The following RIPK4 variants were observed in gnomAD, a reference collection of about 807,000 sequenced individuals.
RIPK4 encodes the protein receptor interacting serine/threonine kinase 4.
A neutral mutation model predicts 42.9 loss-of-function variants in RIPK4; 17 were observed. The observed-to-expected ratio is 0.40, with a 90% CI of 0.27 to 0.59. RIPK4 has a LOEUF of 0.59. Among genes scored for constraint, RIPK4 ranks in the 20% least tolerant of loss-of-function variants. The pLI is 0.47. For missense variants in RIPK4, 897 were observed against 1,104.4 expected, an observed-to-expected ratio of 0.81 and a Z score of 2.66; for synonymous variants, 498 against 499.1, an observed-to-expected ratio of 1.00 and a Z score of 0.03.
Position 41,740,516 on chromosome 21 carries a change from C to T in RIPK4, c.*322G>A. ...GGCTCGCCTCAGGAGAGAGTGGATG[C>T]TTCCACGCCTGGGGCTTCATCACTG... On this transcript the variant is annotated 3_prime_UTR_variant, in exon 8 of 8. Coordinates refer to ENST00000332512, the MANE Select transcript of RIPK4 (RefSeq NM_020639.3). 5.9e-6 allele frequency: 2 copies of T among 340,202 alleles called. No individual in the cohort carries two copies. The highest frequency in any genetic ancestry group is 1.1e-5 in the Non-Finnish European group (2 of 186,988). The allele number at this position is 340,202 out of a possible 1,614,324, so 21.1% of individuals were successfully genotyped here. A position where few individuals can be genotyped will look rare whatever the true frequency, so the allele number is the denominator to read the frequency against.
In RIPK4 at chr21:41,751,371, C is replaced by G; in HGVS notation, c.475-126G>C. The G allele has an allele frequency of 7.8e-7, 1 of 1,277,628 alleles. No individual in the cohort carries two copies. The highest frequency in any genetic ancestry group is 1.1e-6 in the Non-Finnish European group (1 of 938,230). The allele number at this position is 1,277,628 out of a possible 1,614,324, so 79.1% of individuals were successfully genotyped here. ...GAGCTTTCCAGGAGCCCCTAAGAGC[C>G]GTGTCTGTGCCTCTCCAGGTAGCCC... On this transcript the variant is annotated intron_variant, in intron 2 of 7. Transcript: ENST00000332512. This position sits in a 1 kb window ranked among gnomAD's most constrained non-coding sequence, Gnocchi z 4.5.
intron 1 of RIPK4, among the ~76,000 whole-genome samples, chr21:41,759,722 A>G (rs547546986): frequency 1.2e-4 from 19 of 152,220 alleles, no homozygotes; most frequent in Non-Finnish European, 2.6e-4. Context: ...AATCCAAAAC[A>G]GTGCCAACAG....
chr21:41,752,931 T>C (rs1388666775), intron 2 of RIPK4, among the ~76,000 whole-genome samples: 1 of 152,194 alleles, frequency 6.6e-6, no homozygotes, highest in Non-Finnish European at 1.5e-5. Flanking sequence ...CAAACCACCA[T>C]GGCACATATA....
intron 4 of RIPK4, among the ~76,000 whole-genome samples, chr21:41,747,325 C>T (rs2061175017): frequency 6.6e-6 from 1 of 152,234 alleles, no homozygotes; most frequent in South Asian, 2.1e-4. Context: ...CCTCAATTCA[C>T]CATGTGGGGC....
Position 41,740,437 on chromosome 21 carries a change from A to T in RIPK4, c.*401T>A, listed in dbSNP as rs1466061903. ...CCACCGTCATGTATGAAGATAAAAA[A>T]CACAGTTTCCCCTGCACCTCCCTCA... On this transcript the variant is annotated 3_prime_UTR_variant, in exon 8 of 8. Transcript: ENST00000332512. 1 of 196,264 alleles carries T rather than the reference A, an allele frequency of 5.1e-6. No homozygotes were observed. Among genetic ancestry groups the T allele is most frequent in the Non-Finnish European group, 1.0e-5 (1 of 97,908 alleles). The allele number at this position is 196,264 out of a possible 1,614,324, so 12.2% of individuals were successfully genotyped here. A position where few individuals can be genotyped will look rare whatever the true frequency, so the allele number is the denominator to read the frequency against.
intron 2 of RIPK4, among the ~76,000 whole-genome samples, chr21:41,754,305 G>A (rs2061196678): frequency 6.6e-6 from 1 of 152,144 alleles, no homozygotes; most frequent in Non-Finnish European, 1.5e-5. Flanking sequence ...CTATTTCACA[G>A]AAAAAATAAG....
At chr21:41,743,739 TA>T in intron 7 of RIPK4, 142 bp downstream of exon 7, 1 of 1,093,038 alleles carries the variant, frequency 9.1e-7, no homozygotes, top group Non-Finnish European at 1.3e-6. Flanking sequence ...CAAAATTAAT[TA>T]CTTAAGACAG....
At position 41,740,867 on chromosome 21, in the gene RIPK4, C is replaced by T. The variant is rs769524150; in HGVS notation, c.2326G>A (p.Ala776Thr). Residue 776 changes from alanine to threonine, a missense_variant, in exon 8 of 8, where the codon GCC becomes ACC. Physicochemically the swap from Ala to Thr is moderately conservative, Grantham distance 58 (BLOSUM62 0). Coordinates refer to ENST00000332512, the MANE Select transcript of RIPK4 (RefSeq NM_020639.3). ...GTCTTGCTTCGCCGCAGGAGCGTGGCGGCGGGGCCATGGCCGCCCTGGAAC... is the reference window on the plus strand; with the variant it reads ...GTCTTGCTTCGCCGCAGGAGCGTGGTGGCGGGGCCATGGCCGCCCTGGAAC... Reference protein sequence around the residue: ...LKFQGGHGPAATLLRRSKT With the variant: ...LKFQGGHGPATTLLRRSKT 1.7e-5 allele frequency: 28 copies of T among 1,609,412 alleles called. No homozygotes were observed. The highest frequency in any genetic ancestry group is 2.2e-5 in the East Asian group (1 of 44,838).
chr21:41,752,057 C>T (rs372617618), intron 2 of RIPK4, among the ~76,000 whole-genome samples: 46 of 152,084 alleles, frequency 3.0e-4, no homozygotes, highest in Admixed American at 6.5e-4. Flanking sequence ...TGACCTCTCT[C>T]GGGGGCATCC....
At chr21:41,752,437 G>A (rs566261909) in intron 2 of RIPK4, among the ~76,000 whole-genome samples, 25 of 152,078 alleles carry the variant, frequency 1.6e-4, no homozygotes, top group African/African-American at 5.8e-4. Context: ...AGGGAGGTAG[G>A]GGGGAAGGCC....
At chr21:41,754,026 T>C (rs1434902906) in intron 2 of RIPK4, among the ~76,000 whole-genome samples, 1 of 152,216 alleles carries the variant, frequency 6.6e-6, no homozygotes, top group Admixed American at 6.5e-5. Flanking sequence ...AAGTAGACAG[T>C]TGCTGTGATA....
intron 6 of RIPK4, among the ~76,000 whole-genome samples, 171 bp downstream of exon 6, chr21:41,745,588 T>G (rs2061168010): frequency 6.6e-6 from 1 of 151,794 alleles, no homozygotes; most frequent in African/African-American, 2.4e-5. Context: ...GTCGGGCAGG[T>G]GGACCTGAGC....
chr21:41,762,358 G>A (rs181035520), intron 1 of RIPK4, among the ~76,000 whole-genome samples: 59 of 152,264 alleles, frequency 3.9e-4, no homozygotes, highest in African/African-American at 1.4e-3. Flanking sequence ...CCTGGATTTC[G>A]CTCAGAAGCA....
intron 6 of RIPK4, 48 bp downstream of exon 6, chr21:41,745,711 G>A (rs2061168501): frequency 6.9e-7 from 1 of 1,439,974 alleles, no homozygotes; most frequent in Non-Finnish European, 9.8e-7. Flanking sequence ...GGAAACTCCT[G>A]CCTGGAAGCC....
At chr21:41,748,501 A>G (rs2061178635) in intron 4 of RIPK4, among the ~76,000 whole-genome samples, 1 of 152,180 alleles carries the variant, frequency 6.6e-6, no homozygotes. Flanking sequence ...GGAAGCAAAC[A>G]CCACAGCTCT....
At chr21:41,759,658 G>A (rs897683269) in intron 1 of RIPK4, among the ~76,000 whole-genome samples, 13 of 152,206 alleles carry the variant, frequency 8.5e-5, no homozygotes, top group African/African-American at 2.7e-4. Flanking sequence ...TGACAAACCC[G>A]GGAGCAGGTG....
At chr21:41,745,559 G>A (rs868469149) in intron 6 of RIPK4, among the ~76,000 whole-genome samples, 200 bp downstream of exon 6, 5 of 152,194 alleles carry the variant, frequency 3.3e-5, no homozygotes, top group African/African-American at 1.2e-4. Flanking sequence ...AATCAGACAG[G>A]AGGTGGGGCG....
chr21:41,744,232 A>G (rs968260146), intron 6 of RIPK4, 92 bp from the exon 7 acceptor site: 23 of 1,308,952 alleles, frequency 1.8e-5, no homozygotes, highest in Non-Finnish European at 2.1e-5. Flanking sequence ...AAGGTGGGCC[A>G]CGGGAGGGAG....
At chr21:41,759,395 C>T (rs1034098593) in intron 1 of RIPK4, among the ~76,000 whole-genome samples, 1 of 152,112 alleles carries the variant, frequency 6.6e-6, no homozygotes, top group Non-Finnish European at 1.5e-5. Flanking sequence ...CCCAGCCAAT[C>T]TGCTTTCTAA....
Sources: allele counts gnomAD v4.1 joint callset (sites outside exome capture counted in the v4.1 genomes callset), GRCh38; gene constraint gnomAD v4.1.1; non-coding constraint Gnocchi (gnomAD v3.1); transcripts MANE v1.5; gene names NCBI Gene and HGNC (gene_info 2026-07-23, HGNC 2026-07-21).